Variants in AKAP19 observed in about 807,000 individuals in gnomAD.
The protein encoded by AKAP19 is A-kinase anchoring protein 19.
At chr2:190,120,318 GA>G in the AKAP19 span, among the ~76,000 whole-genome samples, 2 of 152,112 alleles carry the variant, frequency 1.3e-5, no homozygotes, top group Admixed American at 1.3e-4. Flanking sequence ...ATTTTTTATG[GA>G]AAAATTGTCT....
At chr2:189,946,413 G>A in the AKAP19 span, among the ~76,000 whole-genome samples, 3 of 152,224 alleles carry the variant, frequency 2.0e-5, no homozygotes, top group East Asian at 5.8e-4. Context: ...AGTTCAATAT[G>A]AGCCTGAGCA....
At chr2:190,015,572 A>T in the AKAP19 span, among the ~76,000 whole-genome samples, 1 of 152,174 alleles carries the variant, frequency 6.6e-6, no homozygotes, top group Non-Finnish European at 1.5e-5. Context: ...TTTCTCCATC[A>T]TCTTGGCTAT....
the AKAP19 span, among the ~76,000 whole-genome samples, chr2:189,997,201 A>T: frequency 6.6e-6 from 1 of 152,154 alleles, no homozygotes; most frequent in Non-Finnish European, 1.5e-5. Flanking sequence ...AGTAGCTGTA[A>T]TGTCCTGAGT....
the AKAP19 span, chr2:190,055,566 T>C: frequency 6.6e-6 from 1 of 152,210 alleles, no homozygotes; most frequent in Admixed American, 6.5e-5. Flanking sequence ...ACCAATTTAA[T>C]AGGAATTTAA....
At chr2:189,909,861 T>G in the AKAP19 span, among the ~76,000 whole-genome samples, 1 of 152,058 alleles carries the variant, frequency 6.6e-6, no homozygotes, top group African/African-American at 2.4e-5. Context: ...GTTTCTTGTA[T>G]GTATCATCCA....
the AKAP19 span, among the ~76,000 whole-genome samples, chr2:189,921,917 G>A: frequency 6.6e-6 from 1 of 152,200 alleles, no homozygotes; most frequent in South Asian, 2.1e-4. Context: ...AAGGGTGATA[G>A]TTGTCTCTGT....
the AKAP19 span, among the ~76,000 whole-genome samples, chr2:189,991,250 T>C: frequency 5.3e-5 from 8 of 152,242 alleles, no homozygotes; most frequent in Non-Finnish European, 1.0e-4. Flanking sequence ...GTTCTACTTT[T>C]AGTTCTTTAA....
At chr2:189,987,939 T>C in the AKAP19 span, among the ~76,000 whole-genome samples, 2 of 152,014 alleles carry the variant, frequency 1.3e-5, no homozygotes, top group African/African-American at 4.8e-5. Context: ...ATTTTTATTA[T>C]TACTCAATTC....
At chr2:189,956,132 C>T in the AKAP19 span, among the ~76,000 whole-genome samples, 18 of 150,558 alleles carry the variant, frequency 1.2e-4, no homozygotes, top group Admixed American at 6.6e-5. Flanking sequence ...AATGATAATG[C>T]TCAAATCTTT....
the AKAP19 span, among the ~76,000 whole-genome samples, chr2:190,083,173 G>A: frequency 0.072 from 10,942 of 152,210 alleles, 495 homozygotes; most frequent in Middle Eastern, 0.11. Flanking sequence ...GAGCTCAGGA[G>A]TTTGAGACAA....
the AKAP19 span, among the ~76,000 whole-genome samples, chr2:190,125,280 A>T: frequency 6.6e-6 from 1 of 151,812 alleles, no homozygotes; most frequent in African/African-American, 2.4e-5. Context: ...GCAGATAATC[A>T]TATGGGACCC....
At chr2:189,932,029 G>T in the AKAP19 span, among the ~76,000 whole-genome samples, 1 of 152,168 alleles carries the variant, frequency 6.6e-6, no homozygotes, top group Non-Finnish European at 1.5e-5. Context: ...ACACCTCACT[G>T]TTCTTACTTT....
the AKAP19 span, among the ~76,000 whole-genome samples, chr2:190,167,970 C>T: frequency 6.6e-6 from 1 of 152,156 alleles, no homozygotes; most frequent in Non-Finnish European, 1.5e-5. Context: ...CCAGGTGGTG[C>T]CCCAGTAGGA....
the AKAP19 span, among the ~76,000 whole-genome samples, chr2:189,931,493 C>T: frequency 2.6e-5 from 4 of 152,136 alleles, no homozygotes; most frequent in Admixed American, 6.5e-5. Flanking sequence ...TCTCTAGTAG[C>T]TAGGACTACA....
At chr2:190,092,353 A>G in the AKAP19 span, among the ~76,000 whole-genome samples, 1 of 151,444 alleles carries the variant, frequency 6.6e-6, no homozygotes, top group South Asian at 2.1e-4. Context: ...TTATACATCA[A>G]TTGTCCTACA....
chr2:189,903,265 C>T, the AKAP19 span, among the ~76,000 whole-genome samples: 1 of 151,712 alleles, frequency 6.6e-6, no homozygotes, highest in Non-Finnish European at 1.5e-5. Flanking sequence ...GGTTGAAAAA[C>T]CAAAATAATA....
At chr2:190,167,892 G>A in the AKAP19 span, among the ~76,000 whole-genome samples, 5 of 152,130 alleles carry the variant, frequency 3.3e-5, no homozygotes, top group East Asian at 3.9e-4. Context: ...CCAGGTGCAC[G>A]GTGCTAGCTG....
At chr2:189,985,923 T>A in the AKAP19 span, among the ~76,000 whole-genome samples, 2 of 152,074 alleles carry the variant, frequency 1.3e-5, no homozygotes, top group African/African-American at 2.4e-5. Context: ...AATAAAAAAA[T>A]TATCTACTTG....
the AKAP19 span, among the ~76,000 whole-genome samples, chr2:189,958,473 A>G: frequency 8.0e-5 from 12 of 150,172 alleles, no homozygotes; most frequent in Non-Finnish European, 3.0e-5. Flanking sequence ...TAAATAATAT[A>G]GTAATATTTA....
Sources: allele counts gnomAD v4.1 joint callset (sites outside exome capture counted in the v4.1 genomes callset), GRCh38; gene constraint gnomAD v4.1.1; transcripts MANE v1.5; gene names NCBI Gene and HGNC (gene_info 2026-07-23, HGNC 2026-07-21).